Variants in FRMPD4 observed in about 807,000 individuals in gnomAD.
The protein encoded by FRMPD4 is FERM and PDZ domain-containing protein 4.
Under a neutral mutation model 94.1 loss-of-function variants are expected in FRMPD4, and 22 were observed. That is an observed-to-expected ratio of 0.23 (90% CI 0.17 to 0.33). FRMPD4 has a LOEUF of 0.33. FRMPD4 is among the 10% of genes least tolerant of loss of function. FRMPD4 has a pLI of 1.00. For missense variants in FRMPD4, 1,111 were observed against 1,339.9 expected (o/e 0.83, Z 2.67); for synonymous variants, 631 against 548.6 (o/e 1.15, Z -2.10).
At chrX:12,157,810 T>C (rs12555948) in intron 1 of FRMPD4, among the ~76,000 whole-genome samples, 12,686 of 112,427 alleles carry the variant, frequency 0.11, 625 homozygotes, top group South Asian at 0.31. Flanking sequence ...GATTCCATGA[T>C]AGGATTTGAT....
chrX:12,166,349 G>C (rs1267788049), intron 1 of FRMPD4, among the ~76,000 whole-genome samples: 3 of 111,718 alleles, frequency 2.7e-5, no homozygotes, highest in African/African-American at 9.8e-5. Context: ...ATGCTGGATT[G>C]TGTTTATTGA....
intron 2 of FRMPD4, among the ~76,000 whole-genome samples, chrX:12,582,210 G>A (rs897310839): frequency 8.9e-5 from 10 of 112,172 alleles, no homozygotes; most frequent in Non-Finnish European, 1.7e-4. Flanking sequence ...TGCCCTTCAC[G>A]CAGATATTAA....
At chrX:12,114,198 C>T (rs2055389319) in intron 3 of FRMPD4, among the ~76,000 whole-genome samples, 1 of 111,693 alleles carries the variant, frequency 9.0e-6, no homozygotes, top group South Asian at 3.7e-4. Flanking sequence ...TCCTGTTATC[C>T]ATTTTTCTTC....
intron 3 of FRMPD4, among the ~76,000 whole-genome samples, chrX:11,918,784 T>C (rs1207069527): frequency 8.9e-6 from 1 of 111,832 alleles, no homozygotes; most frequent in Admixed American, 9.4e-5. Flanking sequence ...AAAGGGTTGA[T>C]CACCAATCCT....
At chrX:12,076,446 G>A (rs755517708) in intron 3 of FRMPD4, among the ~76,000 whole-genome samples, 1 of 110,112 alleles carries the variant, frequency 9.1e-6, no homozygotes, top group East Asian at 2.9e-4. Flanking sequence ...AGTGTCTTGA[G>A]ACAGAAATCT....
rs190288166 is a variant in FRMPD4, at chrX:12,618,850, T to C, written c.422+3969T>C. Reference sequence around the variant, plus strand: ...ACCCACGTGTATACAAAGTTCTGCATACAATATTAGAATGGTTTTTGACTC... The same window carrying C: ...ACCCACGTGTATACAAAGTTCTGCACACAATATTAGAATGGTTTTTGACTC... On this transcript the variant is annotated intron_variant, in intron 4 of 16. Transcript: ENST00000675598. 8.9e-5 allele frequency among the ~76,000 whole-genome samples: 10 copies of C among 111,732 alleles called. No homozygotes were observed. In the Admixed American group the frequency reaches 9.5e-4, roughly 11 times the overall value.
chrX:11,903,683 T>C (rs904372352), intron 3 of FRMPD4, among the ~76,000 whole-genome samples: 3 of 112,758 alleles, frequency 2.7e-5, no homozygotes, highest in African/African-American at 9.7e-5. Context: ...AATTTCTCAT[T>C]GTAGCCCTTC....
intron 1 of FRMPD4, among the ~76,000 whole-genome samples, chrX:12,481,661 G>T (rs2057681617): frequency 9.1e-6 from 1 of 109,614 alleles, no homozygotes; most frequent in South Asian, 4.0e-4. Flanking sequence ...TGTTATTGGG[G>T]CCCGGCGCGG....
intron 1 of FRMPD4, among the ~76,000 whole-genome samples, chrX:11,857,603 C>G (rs1419795099): frequency 8.9e-6 from 1 of 112,766 alleles, no homozygotes; most frequent in Non-Finnish European, 1.9e-5. Flanking sequence ...TATAAAAACC[C>G]TGGAAGACAA....
At chrX:11,830,189 C>T (rs1177682428) in intron 1 of FRMPD4, among the ~76,000 whole-genome samples, 1 of 111,441 alleles carries the variant, frequency 9.0e-6, no homozygotes, top group African/African-American at 3.3e-5. Flanking sequence ...TATAAGTGGA[C>T]CCTGAATATG....
chrX:12,235,638 G>T (rs1263342366), intron 1 of FRMPD4, among the ~76,000 whole-genome samples: 1 of 111,983 alleles, frequency 8.9e-6, no homozygotes, highest in Non-Finnish European at 1.9e-5. Flanking sequence ...AAATTAAAGG[G>T]CAGTACTTAG....
intron 1 of FRMPD4, among the ~76,000 whole-genome samples, chrX:12,282,869 A>G (rs1391259306): frequency 9.0e-6 from 1 of 110,520 alleles, no homozygotes; most frequent in Non-Finnish European, 1.9e-5. Flanking sequence ...AGGTCCAGAA[A>G]TTTCCAGAAA....
chrX:11,927,820 T>C (rs758705378), intron 3 of FRMPD4, among the ~76,000 whole-genome samples: 8 of 111,878 alleles, frequency 7.2e-5, no homozygotes, highest in African/African-American at 2.6e-4. Context: ...GGCAATACCA[T>C]TGAGGACATA....
At chrX:11,848,955 C>A (rs1033407613) in intron 1 of FRMPD4, among the ~76,000 whole-genome samples, 1 of 111,104 alleles carries the variant, frequency 9.0e-6, no homozygotes. Context: ...AGTCCTAGTC[C>A]GAGCAATAAA....
chrX:11,982,920 A>C (rs964832708), intron 3 of FRMPD4, among the ~76,000 whole-genome samples: 4 of 110,502 alleles, frequency 3.6e-5, no homozygotes, highest in African/African-American at 9.9e-5. Flanking sequence ...GCTGACTCTT[A>C]CTCATGTTGT....
chrX:12,057,483 T>A (rs367657326), intron 3 of FRMPD4, among the ~76,000 whole-genome samples: 69 of 112,264 alleles, frequency 6.1e-4, no homozygotes, highest in African/African-American at 2.1e-3. Flanking sequence ...TCAGATACAA[T>A]AAATTGAAGT....
rs776874583 is a variant in FRMPD4, at chrX:12,614,914, C to T, written c.422+33C>T. On this transcript the variant is annotated intron_variant, in intron 4 of 16. Transcript: ENST00000675598. The stretch of plus-strand genomic sequence containing the variant: ...ACTCATTCACCTGTGTCCTGTTCTG[C>T]TTTGAAGGCTGCTGCACAGCTCTGA... The T allele has an allele frequency of 2.0e-4, 159 of 815,240 alleles. 1 individual carries two copies. In the African/African-American group the frequency reaches 3.0e-3, roughly 15 times the overall value. 67.2% of individuals were successfully genotyped at this position (815,240 alleles called of 1,213,427 possible).
rs1569182895 is a variant in FRMPD4, at chrX:12,183,126, A to ATC, written c.41+44115_41+44116insCT. 2.8e-3 allele frequency among the ~76,000 whole-genome samples: 238 copies of ATC among 83,822 alleles called. 1 individual carries two copies. Among genetic ancestry groups the ATC allele is most frequent in the African/African-American group, 8.7e-3 (212 of 24,422 alleles). The allele number at this position is 83,822 out of a possible 115,157, so 72.8% of individuals were successfully genotyped here. On this transcript the variant is annotated intron_variant, in intron 1 of 16. Transcript: ENST00000675598. ...TCATTGTTGCTATCTATCTATCTAT[A>ATC]TATATATATGTCAGCACAACTGAAA...
intron 3 of FRMPD4, among the ~76,000 whole-genome samples, chrX:12,101,050 C>T (rs760476969): frequency 1.8e-5 from 2 of 112,203 alleles, no homozygotes; most frequent in African/African-American, 6.5e-5. Context: ...CAAAGACATC[C>T]AGCATCGAGA....
Sources: allele counts gnomAD v4.1 joint callset (sites outside exome capture counted in the v4.1 genomes callset), GRCh38; gene constraint gnomAD v4.1.1; transcripts MANE v1.5; gene names NCBI Gene and HGNC (gene_info 2026-07-23, HGNC 2026-07-21).